Variants in CNBD2 observed in about 807,000 individuals in gnomAD.
CNBD2 encodes the protein cyclic nucleotide binding domain containing 2.
CNBD2 carries 64 observed loss-of-function variants against 63.7 expected under a neutral mutation model. The ratio of observed to expected loss-of-function variants is 1.00; its 90% CI spans 0.82 to 1.24. The LOEUF is 1.24. Ranked by LOEUF, CNBD2 falls within the 50% of genes most tolerant of loss-of-function variation. CNBD2 has a pLI of 0.00. For missense variants in CNBD2, 691 were observed against 713.5 expected (o/e 0.97, Z 0.36); for synonymous variants, 229 against 255.4 (o/e 0.90, Z 0.99).
intron 7 of CNBD2, among the ~76,000 whole-genome samples, chr20:35,994,207 A>T (rs1776403891): frequency 6.6e-6 from 1 of 152,136 alleles, no homozygotes; most frequent in South Asian, 2.1e-4. Flanking sequence ...CTGGGATTAC[A>T]GGCATGTGCC....
intron 10 of CNBD2, among the ~76,000 whole-genome samples, chr20:36,018,332 G>T (rs926496310): frequency 2.6e-5 from 4 of 152,186 alleles, no homozygotes; most frequent in Non-Finnish European, 5.9e-5. Context: ...AGGGAGTAAG[G>T]CCTTGATTTC....
chr20:35,967,759 A>G (rs1313903430), upstream of CNBD2, among the ~76,000 whole-genome samples: 1 of 152,094 alleles, frequency 6.6e-6, no homozygotes, highest in East Asian at 1.9e-4. Flanking sequence ...CGGCTGAGGC[A>G]GGAGAATCAC....
chr20:35,992,754 C>A (rs535903947), intron 7 of CNBD2, among the ~76,000 whole-genome samples: 1 of 150,530 alleles, frequency 6.6e-6, no homozygotes, highest in Non-Finnish European at 1.5e-5. Context: ...CCCTCCCCCA[C>A]CCCCCGACCC....
At chr20:36,020,651 A>G (rs747885184) in intron 10 of CNBD2, among the ~76,000 whole-genome samples, 2 of 152,134 alleles carry the variant, frequency 1.3e-5, no homozygotes, top group Non-Finnish European at 2.9e-5. Context: ...GATAACCCCC[A>G]CATGCTAGGA....
downstream of CNBD2, among the ~76,000 whole-genome samples, chr20:35,956,941 G>A (rs1407228218): frequency 6.6e-6 from 1 of 152,182 alleles, no homozygotes; most frequent in African/African-American, 2.4e-5. Context: ...TCTGGAGAAG[G>A]GGTGAGAGAT....
chr20:36,021,015 TCAC>T (rs1439564049), intron 10 of CNBD2, among the ~76,000 whole-genome samples: 1 of 152,168 alleles, frequency 6.6e-6, no homozygotes, highest in East Asian at 1.9e-4. Flanking sequence ...AGATCCCACT[TCAC>T]ATCTCCTTTC....
chr20:36,022,195 C>CTTTTTCT (rs1230527853), intron 10 of CNBD2, among the ~76,000 whole-genome samples: 7 of 56,310 alleles, frequency 1.2e-4, no homozygotes, highest in African/African-American at 2.4e-4. Flanking sequence ...TTTTTTTTTT[C>CTTTTTCT]TTTTTTTTTT....
intron 3 of CNBD2, among the ~76,000 whole-genome samples, chr20:35,979,388 G>A (rs1166477998): frequency 6.6e-6 from 1 of 152,176 alleles, no homozygotes; most frequent in Non-Finnish European, 1.5e-5. Flanking sequence ...CTAAGGCAGA[G>A]CCCTTGTAAC....
chr20:36,018,046 C>T (rs1428473168), intron 10 of CNBD2, among the ~76,000 whole-genome samples: 1 of 152,196 alleles, frequency 6.6e-6, no homozygotes, highest in African/African-American at 2.4e-5. Flanking sequence ...CCCATATGCC[C>T]CACGCCCAGT....
chr20:35,963,346 TA>T (rs780161171), intron 2 of CNBD2, among the ~76,000 whole-genome samples: 616 of 128,442 alleles, frequency 4.8e-3, no homozygotes, highest in Middle Eastern at 8.5e-3. Context: ...GTCTCCAAAT[TA>T]AAAAAAAAAA....
intron 2 of CNBD2, among the ~76,000 whole-genome samples, chr20:35,962,447 A>C (rs1217442544): frequency 6.6e-6 from 1 of 151,916 alleles, no homozygotes; most frequent in Non-Finnish European, 1.5e-5. Flanking sequence ...TTTTTGATAG[A>C]GATGGGGTTT....
chr20:35,957,458 C>T (rs542104541), downstream of CNBD2, among the ~76,000 whole-genome samples: 11 of 152,130 alleles, frequency 7.2e-5, no homozygotes, highest in Non-Finnish European at 2.9e-5. Context: ...CTCGGTGGCT[C>T]ATGCCTGTAA....
At chr20:35,984,914 A>G in intron 6 of CNBD2, 136 bp downstream of exon 6, 1 of 798,948 alleles carries the variant, frequency 1.3e-6, no homozygotes. Flanking sequence ...CCCACCTCGT[A>G]CCCACCTTCT....
intron 2 of CNBD2, among the ~76,000 whole-genome samples, chr20:35,960,750 TC>T (rs2056300826): frequency 1.3e-5 from 1 of 79,076 alleles, no homozygotes; most frequent in East Asian, 3.2e-4. Flanking sequence ...TCCCTTCTCT[TC>T]CCTTCTCTTC....
chr20:35,995,756 T>G (rs2056816415), intron 8 of CNBD2, among the ~76,000 whole-genome samples: 1 of 152,248 alleles, frequency 6.6e-6, no homozygotes, highest in African/African-American at 2.4e-5. Flanking sequence ...TGTGTGAACA[T>G]ATTTTTCAGT....
chr20:36,012,921 A>T (rs2057082055), intron 10 of CNBD2, among the ~76,000 whole-genome samples: 1 of 152,154 alleles, frequency 6.6e-6, no homozygotes, highest in Non-Finnish European at 1.5e-5. Flanking sequence ...GAAAAGAAAA[A>T]CACTATAGAG....
chr20:35,986,367 T>G (rs938951918), intron 6 of CNBD2, among the ~76,000 whole-genome samples: 1 of 151,824 alleles, frequency 6.6e-6, no homozygotes, highest in African/African-American at 2.4e-5. Context: ...TAGGTCTGGC[T>G]CCAATCTCAG....
chr20:35,990,506 C>T (rs1042592246), intron 7 of CNBD2, among the ~76,000 whole-genome samples: 1 of 151,932 alleles, frequency 6.6e-6, no homozygotes, highest in Non-Finnish European at 1.5e-5. Flanking sequence ...TGGCGCATGC[C>T]TAATCCCAGC....
chr20:35,965,705 C>G (rs2056340593), upstream of CNBD2, among the ~76,000 whole-genome samples: 2 of 152,252 alleles, frequency 1.3e-5, no homozygotes, highest in South Asian at 4.1e-4. Context: ...CTCTGAATCC[C>G]CAGCCCACCT....
Sources: gnomAD v4.1 joint callset for allele counts (sites outside exome capture counted in the v4.1 genomes callset) on GRCh38, gnomAD v4.1.1 for gene constraint, MANE v1.5 for transcripts, NCBI Gene and HGNC (gene_info 2026-07-23, HGNC 2026-07-21) for gene names.